The following MGST1 variants were observed in gnomAD, a reference collection of about 807,000 sequenced individuals.
MGST1 encodes the protein microsomal glutathione S-transferase 1.
MGST1 carries 5 observed loss-of-function variants against 8.9 expected under a neutral mutation model. That is an observed-to-expected ratio of 0.56 (90% confidence interval 0.29 to 1.19). MGST1 has a LOEUF of 1.19. Ranked by LOEUF, MGST1 falls within the 50% of genes most tolerant of loss-of-function variation. The pLI is 0.08. For missense variants in MGST1, 182 were observed against 187.4 expected (o/e 0.97, Z 0.17); for synonymous variants, 54 against 67.8 (o/e 0.80, Z 1.00).
chr12:16,382,466 C>T (rs1007981510), upstream of MGST1, among the ~76,000 whole-genome samples: 1 of 152,068 alleles, frequency 6.6e-6, no homozygotes, highest in Non-Finnish European at 1.5e-5. Flanking sequence ...ATTGGTGAAC[C>T]GCAAATGCTG....
chr12:16,590,438 C>T (rs543556011), downstream of MGST1, among the ~76,000 whole-genome samples: 8 of 152,000 alleles, frequency 5.3e-5, no homozygotes, highest in South Asian at 1.7e-3. Context: ...TATTATTTTA[C>T]ATGTTTTGTA....
intron 4 of MGST1, among the ~76,000 whole-genome samples, chr12:16,484,390 A>G (rs1447160841): frequency 6.6e-6 from 1 of 151,204 alleles, no homozygotes; most frequent in African/African-American, 2.4e-5. Context: ...GGCACGATAA[A>G]GAATCTGTTT....
At position 16,588,631 on chromosome 12, in the gene MGST1, CTTAAT is replaced by C. The variant is rs149957662; in HGVS notation, n.483-892_483-888del. Among the ~76,000 whole-genome samples, 624 of 152,210 alleles carry C rather than the reference CTTAAT, an allele frequency of 4.1e-3. 3 individuals are homozygous for C. Among genetic ancestry groups the C allele is most frequent in the South Asian group, 0.017 (81 of 4,826 alleles). On this transcript the variant is annotated intron_variant and non_coding_transcript_variant, in intron 4 of 4. Transcript: ENST00000538857. ...TAATTTATATAAAGCACACTACAAT[CTTAAT>C]TTAACAATCCATTCCAAATTCCAAT... is the stretch of plus-strand genomic sequence containing the variant.
In MGST1 at chr12:16,357,706, C is replaced by T. The variant is rs770077140; in HGVS notation, c.221+7C>T. ...GAGTAGAACGTGTACGCAGGTAAACCAGTGTCTCTTGAAATTACTTACTTT... is the reference window on the plus strand; with the variant it reads ...GAGTAGAACGTGTACGCAGGTAAACTAGTGTCTCTTGAAATTACTTACTTT... On this transcript the variant is annotated splice_region_variant and intron_variant, in intron 3 of 3. Coordinates refer to ENST00000396210, the MANE Select transcript of MGST1 (RefSeq NM_020300.5). 7.5e-6 allele frequency: 12 copies of T among 1,605,954 alleles called. No individual in the cohort carries two copies. Among genetic ancestry groups the T allele is most frequent in the Non-Finnish European group, 1.0e-5 (12 of 1,176,066 alleles).
upstream of MGST1, chr12:16,382,763 C>G (rs1177562481): frequency 6.5e-6 from 1 of 152,910 alleles, no homozygotes; most frequent in East Asian, 1.9e-4. Context: ...GCAGGCAGGC[C>G]TCCTTGAGCT....
intron 3 of MGST1, among the ~76,000 whole-genome samples, chr12:16,375,421 G>A (rs570134960): frequency 5.9e-5 from 9 of 152,194 alleles, no homozygotes; most frequent in East Asian, 1.9e-4. Flanking sequence ...ACCTCAATGC[G>A]TATCCTATTG....
chr12:16,405,288 C>T (rs1940690141), intron 1 of MGST1, among the ~76,000 whole-genome samples: 1 of 152,056 alleles, frequency 6.6e-6, no homozygotes, highest in South Asian at 2.1e-4. Context: ...CCTCTATGCA[C>T]CCCTACACAC....
chr12:16,442,602 T>A (rs1301376136), downstream of MGST1, among the ~76,000 whole-genome samples: 1 of 151,918 alleles, frequency 6.6e-6, no homozygotes, highest in East Asian at 1.9e-4. The surrounding 1 kb of genome is among the most constrained non-coding windows in gnomAD (Gnocchi z 4.5). Flanking sequence ...TTTGCTCTTT[T>A]GTTAAAGATC....
chr12:16,416,045 C>G (rs545249301), intron 1 of MGST1, among the ~76,000 whole-genome samples: 3 of 152,044 alleles, frequency 2.0e-5, no homozygotes, highest in Non-Finnish European at 4.4e-5. Context: ...TGTATATAAT[C>G]AAATAGTTGC....
At chr12:16,456,746 C>T (rs753969735) in intron 4 of MGST1, among the ~76,000 whole-genome samples, 2 of 151,876 alleles carry the variant, frequency 1.3e-5, no homozygotes, top group African/African-American at 2.4e-5. Flanking sequence ...TAAAAAGCAC[C>T]GTCAACCTTT....
In MGST1 at chr12:16,513,620, T is replaced by A. The variant is rs1941591403; in HGVS notation, n.483-75908T>A. 4.0e-6 allele frequency: 2 copies of A among 494,492 alleles called. No homozygotes were observed. Among genetic ancestry groups the A allele is most frequent in the East Asian group, 5.8e-5 (1 of 17,202 alleles). The allele number at this position is 494,492 out of a possible 1,614,324, so 30.6% of individuals were successfully genotyped here. A position where few individuals can be genotyped will look rare whatever the true frequency, so the allele number is the denominator to read the frequency against. On this transcript the variant is annotated intron_variant and non_coding_transcript_variant, in intron 4 of 4. Transcript: ENST00000538857. This position sits in a 1 kb window ranked among gnomAD's most constrained non-coding sequence, Gnocchi z 4.2. ...GACCACAACGGAAAGCCTTACAGCA[T>A]CCACAAGGCAGAGGCCCAGATTGCA... is the stretch of plus-strand genomic sequence containing the variant.
At chr12:16,468,809 T>A (rs959765341) in intron 4 of MGST1, among the ~76,000 whole-genome samples, 2 of 152,202 alleles carry the variant, frequency 1.3e-5, no homozygotes, top group Non-Finnish European at 2.9e-5. Flanking sequence ...CCTCTGGTGT[T>A]AGGACACATG....
chr12:16,547,886 A>T lies in MGST1; in HGVS notation n.483-41642A>T, dbSNP rs753994673. On this transcript the variant is annotated intron_variant and non_coding_transcript_variant, in intron 4 of 4. Coordinates refer to the MGST1 transcript ENST00000538857. The surrounding 1 kb of genome is among the most constrained non-coding windows in gnomAD (Gnocchi z 4.6). The stretch of plus-strand genomic sequence containing the variant: ...AAACTGTTTAAGTGATGATTCAGAG[A>T]GTGGTTTGCCTAAAGTGATAGTTAA... Among the ~76,000 whole-genome samples the T allele has an allele frequency of 1.3e-5, 2 of 152,190 alleles. No homozygotes were observed. Among genetic ancestry groups the T allele is most frequent in the Non-Finnish European group, 2.9e-5 (2 of 68,030 alleles).
At chr12:16,461,956 C>A (rs1011304760) in intron 4 of MGST1, among the ~76,000 whole-genome samples, 1 of 152,096 alleles carries the variant, frequency 6.6e-6, no homozygotes, top group African/African-American at 2.4e-5. Context: ...ACACTGAATT[C>A]CGGATATACC....
At chr12:16,556,508 TTTAAAG>T (rs1381855738) in intron 4 of MGST1, among the ~76,000 whole-genome samples, 1 of 152,224 alleles carries the variant, frequency 6.6e-6, no homozygotes, top group Non-Finnish European at 1.5e-5. Flanking sequence ...GATACTTTGA[TTTAAAG>T]GTAAAGATGA....
intron 4 of MGST1, among the ~76,000 whole-genome samples, chr12:16,571,373 C>A (rs1942807708): frequency 6.6e-6 from 1 of 152,070 alleles, no homozygotes; most frequent in Non-Finnish European, 1.5e-5. Flanking sequence ...TTCTGCAAAG[C>A]AAATTTAATA....
intron 1 of MGST1, among the ~76,000 whole-genome samples, chr12:16,404,051 CTGAT>C (rs1355992500): frequency 1.3e-5 from 2 of 152,148 alleles, no homozygotes; most frequent in Admixed American, 6.5e-5. Context: ...GTCTAGTACT[CTGAT>C]TGTAGAATTG....
chr12:16,350,162 T>C (rs759239095), intron 1 of MGST1, among the ~76,000 whole-genome samples: 1 of 152,010 alleles, frequency 6.6e-6, no homozygotes, highest in Non-Finnish European at 1.5e-5. Context: ...TTACACTTAC[T>C]AAGTGGCAGG....
chr12:16,557,735 A>G (rs1942245159), intron 4 of MGST1, among the ~76,000 whole-genome samples: 1 of 152,078 alleles, frequency 6.6e-6, no homozygotes, highest in African/African-American at 2.4e-5. Context: ...AAATTATTTT[A>G]TTGAAGTTTC....
Sources: allele counts gnomAD v4.1 joint callset (sites outside exome capture counted in the v4.1 genomes callset), GRCh38; gene constraint gnomAD v4.1.1; non-coding constraint Gnocchi (gnomAD v3.1); transcripts MANE v1.5; gene names NCBI Gene and HGNC (gene_info 2026-07-23, HGNC 2026-07-21).